Variants in CROCC2 observed in about 807,000 individuals in gnomAD.
CROCC2 encodes the protein ciliary rootlet coiled-coil, rootletin family member 2, also known as ciliary rootlet coiled-coil protein 2.
A neutral mutation model predicts 177.6 loss-of-function variants in CROCC2; 163 were observed. That is an observed-to-expected ratio of 0.92 (90% confidence interval 0.81 to 1.05). The LOEUF is 1.05. Ranked by LOEUF, CROCC2 falls within the 50% of genes least tolerant of loss-of-function variation. The pLI is 0.00. For missense variants in CROCC2, 1,929 were observed against 1,797.8 expected, an observed-to-expected ratio of 1.07 and a Z score of -1.32; for synonymous variants, 904 against 787.3, an observed-to-expected ratio of 1.15 and a Z score of -2.48.
At chr2:240,956,146 C>T (rs2059588822) in intron 19 of CROCC2, among the ~76,000 whole-genome samples, 174 bp downstream of exon 19, 1 of 152,250 alleles carries the variant, frequency 6.6e-6, no homozygotes, top group Admixed American at 6.5e-5. Context: ...ACTCAATGGG[C>T]AGGAAAGATC....
In CROCC2 at chr2:240,953,150, C is replaced by T. The variant is rs1189383077; in HGVS notation, c.2829+2640C>T. Reference sequence around the variant, plus strand: ...GGAGTGCAGGCTTGGTGGCTCATGCCTATGATCCCAGCACTTTGGGAGGCC... The same window carrying T: ...GGAGTGCAGGCTTGGTGGCTCATGCTTATGATCCCAGCACTTTGGGAGGCC... On this transcript the variant is annotated intron_variant, in intron 18 of 31. Transcript: ENST00000690015. This position sits in a 1 kb window ranked among gnomAD's most constrained non-coding sequence, Gnocchi z 4.0. 1.3e-5 allele frequency among the ~76,000 whole-genome samples: 2 copies of T among 152,138 alleles called. No homozygotes were observed. The highest frequency in any genetic ancestry group is 4.8e-5 in the African/African-American group (2 of 41,422).
At chr2:240,962,647 C>T (rs140330378) in intron 20 of CROCC2, among the ~76,000 whole-genome samples, 44 of 152,342 alleles carry the variant, frequency 2.9e-4, no homozygotes, top group African/African-American at 9.4e-4. Flanking sequence ...CTTGACATCG[C>T]GGAGTCTTTG....
intron 14 of CROCC2, among the ~76,000 whole-genome samples, chr2:240,944,383 T>C (rs1198935436): frequency 6.6e-6 from 1 of 152,214 alleles, no homozygotes; most frequent in African/African-American, 2.4e-5. Flanking sequence ...TCTTGGCCTG[T>C]ATCTGTTCAA....
rs746324413 is a variant in CROCC2, at chr2:240,932,810, C to G, written c.1153C>G (p.Gln385Glu). 41 of 1,529,752 alleles carry G rather than the reference C, an allele frequency of 2.7e-5. No individual in the cohort carries two copies. The South Asian group carries it at 4.8e-4, about 18-fold the overall frequency. 94.8% of individuals were successfully genotyped at this position (1,529,752 alleles called of 1,614,324 possible). A position where few individuals can be genotyped will look rare whatever the true frequency, so the allele number is the denominator to read the frequency against. ...RSPQRATSPH[Q>E]GASPPHICSP... ...CCCCCAACGTGCCACATCCCCCCATCAAGGGGCGTCCCCACCACACATCTG... is the reference window on the plus strand; with the variant it reads ...CCCCCAACGTGCCACATCCCCCCATGAAGGGGCGTCCCCACCACACATCTG... The change falls in exon 9 of 32, where the codon CAA (glutamine) becomes GAA (glutamate). Residue 385 changes from glutamine (Q) to glutamate (E), a missense_variant. Around this residue, in one of 3 missense-constraint regions of CROCC2, gnomAD observed 1,397 missense variants for 1,239.9 expected, o/e 1.13. Coordinates refer to ENST00000690015, the MANE Select transcript of CROCC2 (RefSeq NM_001351305.2).
At chr2:240,926,539 G>A (rs934045612) in intron 5 of CROCC2, among the ~76,000 whole-genome samples, 1 of 152,280 alleles carries the variant, frequency 6.6e-6, no homozygotes, top group Admixed American at 6.5e-5. Context: ...TGGACGCCCA[G>A]CCCCTGCATG....
chr2:240,990,338 C>A (rs928871568), intron 30 of CROCC2, among the ~76,000 whole-genome samples: 1 of 152,122 alleles, frequency 6.6e-6, no homozygotes, highest in Non-Finnish European at 1.5e-5. Flanking sequence ...CACTGCACAC[C>A]CACACATGCA....
At chr2:240,971,611 G>T (rs1017223413) in intron 27 of CROCC2, among the ~76,000 whole-genome samples, 1 of 152,132 alleles carries the variant, frequency 6.6e-6, no homozygotes, top group Non-Finnish European at 1.5e-5. Context: ...AAATGTGGGC[G>T]TGTCGGCCCC....
At position 240,991,295 on chromosome 2, in the gene CROCC2, A is replaced by ACC. The variant is rs1418803842; in HGVS notation, c.4946+18_4946+19dup. On this transcript the variant is annotated intron_variant, in intron 31 of 31. Coordinates refer to ENST00000690015, the MANE Select transcript of CROCC2 (RefSeq NM_001351305.2). ...GACAGGACAGTGAGCCCTGCTGCAT[A>ACC]CCACCCAGCAGCCTAGCTGCCTTCA... 6.5e-7 allele frequency: 1 copy of ACC among 1,541,854 alleles called. No homozygotes were observed. Among genetic ancestry groups the ACC allele is most frequent in the Admixed American group, 2.0e-5 (1 of 50,444 alleles).
At chr2:240,912,765 C>T (rs532311219) in intron 1 of CROCC2, among the ~76,000 whole-genome samples, 50 of 152,324 alleles carry the variant, frequency 3.3e-4, no homozygotes, top group Middle Eastern at 3.4e-3. Flanking sequence ...AAAGCACCAA[C>T]GTTCTAATCG....
intron 27 of CROCC2, among the ~76,000 whole-genome samples, chr2:240,975,910 T>C (rs1161732007): frequency 1.3e-5 from 2 of 151,852 alleles, no homozygotes; most frequent in Non-Finnish European, 2.9e-5. Flanking sequence ...TTTGTATTTT[T>C]AGTAGGACTG....
In CROCC2 at chr2:240,993,167, C is replaced by T. The variant is rs543881464; in HGVS notation, c.*86C>T. The T allele has an allele frequency of 6.0e-5, 42 of 698,056 alleles. No individual in the cohort carries two copies. In the East Asian group the frequency reaches 6.5e-4, roughly 11 times the overall value. 43.2% of individuals were successfully genotyped at this position (698,056 alleles called of 1,614,324 possible). A position where few individuals can be genotyped will look rare whatever the true frequency, so the allele number is the denominator to read the frequency against. On this transcript the variant is annotated 3_prime_UTR_variant, in exon 32 of 32. Transcript: ENST00000690015. ...GGGAGGGGCCCAGCTGATTTCTCAG[C>T]GTCACAGTGAAAGGCACCCGTGATG...
intron 14 of CROCC2, among the ~76,000 whole-genome samples, chr2:240,941,696 G>T (rs980961279): frequency 6.6e-6 from 1 of 152,150 alleles, no homozygotes; most frequent in African/African-American, 2.4e-5. Context: ...GATATGCACA[G>T]TCTATATCCA....
chr2:240,968,343 C>T, intron 27 of CROCC2, 81 bp downstream of exon 27: 1 of 1,413,852 alleles, frequency 7.1e-7, no homozygotes, highest in Non-Finnish European at 9.3e-7. Context: ...GCAGGGAGGC[C>T]ACAGGGCCGG....
intron 14 of CROCC2, among the ~76,000 whole-genome samples, chr2:240,945,834 C>T (rs558310140): frequency 1.3e-5 from 2 of 152,108 alleles, no homozygotes; most frequent in South Asian, 4.2e-4. Flanking sequence ...TAGGAGTGCC[C>T]AGTTCAATAC....
At chr2:240,931,853 A>G (rs1395395144) in intron 7 of CROCC2, among the ~76,000 whole-genome samples, 1 of 152,242 alleles carries the variant, frequency 6.6e-6, no homozygotes, top group Non-Finnish European at 1.5e-5. Flanking sequence ...ACGGTGCCAT[A>G]CAGCTGCAGG....
intron 14 of CROCC2, among the ~76,000 whole-genome samples, chr2:240,937,076 G>A (rs764002558): frequency 1.3e-5 from 2 of 152,226 alleles, no homozygotes; most frequent in Admixed American, 6.5e-5. Context: ...GCAGCTTTCC[G>A]AAAAAGCAGG....
chr2:240,909,538 C>T (rs1559585789), intron 1 of CROCC2, among the ~76,000 whole-genome samples: 1 of 152,192 alleles, frequency 6.6e-6, no homozygotes, highest in Non-Finnish European at 1.5e-5. Flanking sequence ...TCAGGAAAGC[C>T]GAGGCGTAAG....
intron 5 of CROCC2, among the ~76,000 whole-genome samples, chr2:240,927,449 C>T (rs1026867480): frequency 2.6e-5 from 4 of 152,134 alleles, no homozygotes; most frequent in Admixed American, 6.5e-5. Context: ...GCACAGTTCA[C>T]GGATTTGTTC....
At chr2:240,964,413 G>A (rs2059662816) in intron 21 of CROCC2, 53 bp from the exon 22 acceptor site, 2 of 1,544,830 alleles carry the variant, frequency 1.3e-6, no homozygotes, top group Non-Finnish European at 1.7e-6. Flanking sequence ...CTGGGCAGCT[G>A]TGCTGGCCCC....
Sources: allele counts gnomAD v4.1 joint callset (sites outside exome capture counted in the v4.1 genomes callset), GRCh38; gene constraint gnomAD v4.1.1; regional missense constraint gnomAD v4.1.1; non-coding constraint Gnocchi (gnomAD v3.1); transcripts MANE v1.5; gene names NCBI Gene and HGNC (gene_info 2026-07-23, HGNC 2026-07-21).